The following ING5 variants were observed in gnomAD, a reference collection of about 807,000 sequenced individuals.
ING5 encodes the protein inhibitor of growth family member 5.
A neutral mutation model predicts 37.4 loss-of-function variants in ING5; 17 were observed. The observed-to-expected ratio is 0.45, with a 90% CI of 0.31 to 0.68. The LOEUF (loss-of-function observed/expected upper bound fraction) is 0.68, where lower values mean the gene tolerates loss of function less well. ING5 is among the 30% of genes least tolerant of loss of function. The pLI, the probability that ING5 is intolerant of heterozygous loss-of-function variation, is 0.05. For synonymous variants in ING5, 123 were observed against 116.6 expected (o/e 1.06, Z -0.36); for missense variants, 233 against 311.9 (o/e 0.75, Z 1.91).
At chr2:241,690,675 G>A (rs1476391913) in intron 2 of ING5, 3 of 398,564 alleles carry the variant, frequency 7.5e-6, no homozygotes, top group African/African-American at 6.2e-5. Context: ...CACTTTATAG[G>A]GGAAATGGTG....
rs113386632 is a variant in ING5, at chr2:241,712,030, A to T, written c.441A>T (p.Thr147=). 3,311 of 1,612,840 alleles carry T rather than the reference A, an allele frequency of 2.1e-3. 61 individuals are homozygous for T. The African/African-American group carries it at 0.039, about 19-fold the overall frequency. ...KRGSRGRGRR[T]SEEDTPKKKK... Reference sequence around the variant, plus strand: ...GGTCCCGGGGCCGAGGCAGGAGGACATCAGAGGAAGACACACCAAAGAAAA... The same window carrying T: ...GGTCCCGGGGCCGAGGCAGGAGGACTTCAGAGGAAGACACACCAAAGAAAA... The change falls in exon 5 of 8, where the codon ACA becomes ACT. Residue 147 remains threonine (T), a synonymous_variant. Coordinates refer to ENST00000313552, the MANE Select transcript of ING5 (RefSeq NM_032329.6).
intron 7 of ING5, among the ~76,000 whole-genome samples, chr2:241,723,490 G>T (rs2070478410): frequency 6.6e-6 from 1 of 152,240 alleles, no homozygotes; most frequent in African/African-American, 2.4e-5. Context: ...TGTCCGAGCT[G>T]GCAGAGGGAT....
intron 5 of ING5, chr2:241,720,731 C>A (rs2070410082): frequency 1.0e-6 from 1 of 985,530 alleles, no homozygotes; most frequent in Non-Finnish European, 1.2e-6. Flanking sequence ...ACAGAGGGTG[C>A]CTCTTGTGGC....
At chr2:241,721,630 A>G in intron 5 of ING5, 1 of 985,450 alleles carries the variant, frequency 1.0e-6, no homozygotes, top group Non-Finnish European at 1.2e-6. Context: ...TCTCACGGCC[A>G]CGTTCCTCCT....
chr2:241,694,934 C>T (rs1419331184), intron 2 of ING5, among the ~76,000 whole-genome samples: 5 of 132,884 alleles, frequency 3.8e-5, no homozygotes, highest in Non-Finnish European at 6.3e-5. Context: ...GCAGGAGAAT[C>T]GCTTGAACCC....
At chr2:241,713,433 C>T (rs77687125) in intron 5 of ING5, among the ~76,000 whole-genome samples, 53,257 of 143,488 alleles carry the variant, frequency 0.37, 10,007 homozygotes, top group South Asian at 0.5. Flanking sequence ...TGTGGTGGCG[C>T]GATCTCAGCT....
intron 2 of ING5, among the ~76,000 whole-genome samples, chr2:241,690,850 A>G (rs1290414867): frequency 6.8e-6 from 1 of 147,824 alleles, no homozygotes; most frequent in Non-Finnish European, 1.5e-5. Flanking sequence ...TCTGTTACCC[A>G]GGCTGGAGTC....
At chr2:241,718,634 C>T (rs561002440) in intron 5 of ING5, among the ~76,000 whole-genome samples, 21 of 152,158 alleles carry the variant, frequency 1.4e-4, no homozygotes, top group African/African-American at 4.3e-4. Context: ...AGGCTGGTCT[C>T]GAACTCCTGG....
chr2:241,693,362 T>C (rs1046317093), intron 2 of ING5, among the ~76,000 whole-genome samples: 4 of 151,794 alleles, frequency 2.6e-5, no homozygotes, highest in African/African-American at 7.3e-5. Flanking sequence ...GTTCAGTCCA[T>C]GTCCTCACCT....
At chr2:241,696,963 T>C (rs2069638897) in intron 2 of ING5, among the ~76,000 whole-genome samples, 2 of 151,834 alleles carry the variant, frequency 1.3e-5, no homozygotes, top group Non-Finnish European at 2.9e-5. Context: ...GCACCTGTAA[T>C]CCCAGCTGCT....
chr2:241,719,638 C>T, intron 5 of ING5: 1 of 1,535,638 alleles, frequency 6.5e-7, no homozygotes, highest in Non-Finnish European at 8.7e-7. Flanking sequence ...GGAATGCAGG[C>T]ACTGGGGGTC....
At chr2:241,708,764 T>C (rs2070006221) in intron 2 of ING5, among the ~76,000 whole-genome samples, 1 of 152,180 alleles carries the variant, frequency 6.6e-6, no homozygotes, top group Non-Finnish European at 1.5e-5. Flanking sequence ...GTTTTCTGTT[T>C]TCTGCTCTTA....
upstream of ING5, among the ~76,000 whole-genome samples, chr2:241,700,434 G>A (rs1446994042): frequency 1.3e-5 from 2 of 151,738 alleles, no homozygotes; most frequent in African/African-American, 2.4e-5. Flanking sequence ...TGGAATTACA[G>A]GAGTGAGCCA....
upstream of ING5, among the ~76,000 whole-genome samples, chr2:241,697,562 C>T (rs2069648813): frequency 1.3e-5 from 2 of 151,976 alleles, no homozygotes; most frequent in African/African-American, 4.8e-5. Context: ...ATGCATATTG[C>T]TGAGTGAAAG....
intron 2 of ING5, among the ~76,000 whole-genome samples, chr2:241,694,870 A>G (rs2124854246): frequency 7.6e-6 from 1 of 131,106 alleles, no homozygotes; most frequent in South Asian, 2.7e-4. Flanking sequence ...TACAAAAAAA[A>G]TTGGTAGGGC....
Position 241,723,729 on chromosome 2 carries a change from T to G in ING5, c.680+458T>G, listed in dbSNP as rs953457593. Reference sequence around the variant, plus strand: ...CTCTGTCTAGTGGAGAAGGGTGTGTTTTCTCTACCTGACCCTTGCATCCCC... The same window carrying G: ...CTCTGTCTAGTGGAGAAGGGTGTGTGTTCTCTACCTGACCCTTGCATCCCC... On this transcript the variant is annotated intron_variant, in intron 7 of 7. Coordinates refer to ENST00000313552, the MANE Select transcript of ING5 (RefSeq NM_032329.6). 2.5e-6 allele frequency: 4 copies of G among 1,594,806 alleles called. No homozygotes were observed. In the African/African-American group the frequency reaches 5.3e-5, roughly 21 times the overall value.
upstream of ING5, among the ~76,000 whole-genome samples, chr2:241,697,755 G>A (rs1363595093): frequency 6.6e-6 from 1 of 152,164 alleles, no homozygotes; most frequent in East Asian, 1.9e-4. Context: ...GTAATGGGGG[G>A]TAGCTGACAT....
chr2:241,693,711 G>A (rs2069591654), intron 2 of ING5, among the ~76,000 whole-genome samples: 1 of 139,538 alleles, frequency 7.2e-6, no homozygotes, highest in African/African-American at 2.7e-5. Flanking sequence ...AGGCTGGAGT[G>A]CAATGGCGCA....
rs1182030737 is a variant in ING5, at chr2:241,715,507, G to A, written c.482+3436G>A. 8.2e-5 allele frequency among the ~76,000 whole-genome samples: 11 copies of A among 134,694 alleles called. No individual in the cohort carries two copies. The East Asian group carries it at 2.2e-3, about 27-fold the overall frequency. 88.4% of individuals were successfully genotyped at this position (134,694 alleles called of 152,430 possible). A position where few individuals can be genotyped will look rare whatever the true frequency, so the allele number is the denominator to read the frequency against. On this transcript the variant is annotated intron_variant, in intron 5 of 7. Coordinates refer to ENST00000313552, the MANE Select transcript of ING5 (RefSeq NM_032329.6). ...TTTTTTTTTTTTTTTTGGTGAGACGGAGCCTCACTCTGTTGCCCAGGCTTG... is the reference window on the plus strand; with the variant it reads ...TTTTTTTTTTTTTTTTGGTGAGACGAAGCCTCACTCTGTTGCCCAGGCTTG...
Sources: gnomAD v4.1 joint callset for allele counts (sites outside exome capture counted in the v4.1 genomes callset) on GRCh38, gnomAD v4.1.1 for gene constraint, MANE v1.5 for transcripts, NCBI Gene and HGNC (gene_info 2026-07-23, HGNC 2026-07-21) for gene names.